Variants in GRM1 observed in about 807,000 individuals in gnomAD.
GRM1 encodes glutamate metabotropic receptor 1, also known as metabotropic glutamate receptor 1.
In GRM1, 33 loss-of-function variants were observed where a neutral mutation model predicts 90.9. The observed-to-expected ratio is 0.36, with a 90% CI of 0.28 to 0.49. The LOEUF (loss-of-function observed/expected upper bound fraction) is 0.49. Ranked by LOEUF, GRM1 falls within the 20% of genes least tolerant of loss-of-function variation. The probability of loss-of-function intolerance (pLI) is 0.99; values close to 1 mark genes in which losing one functional copy is unlikely to be tolerated. For missense variants in GRM1, 1,190 were observed against 1,534.3 expected, an observed-to-expected ratio of 0.78 and a Z score of 3.75; for synonymous variants, 700 against 613.2, an observed-to-expected ratio of 1.14 and a Z score of -2.09.
At chr6:146,059,060 G>T (rs1775577794) in intron 1 of GRM1, among the ~76,000 whole-genome samples, 1 of 152,018 alleles carries the variant, frequency 6.6e-6, no homozygotes, top group Non-Finnish European at 1.5e-5. Context: ...TTTGAATTTT[G>T]ATCTTCTTTA....
chr6:146,392,256 A>G (rs1176691089), intron 6 of GRM1, among the ~76,000 whole-genome samples: 1 of 152,164 alleles, frequency 6.6e-6, no homozygotes, highest in Non-Finnish European at 1.5e-5. Context: ...ACCCAAAGCC[A>G]ATATTCATGG....
intron 7 of GRM1, among the ~76,000 whole-genome samples, chr6:146,402,176 A>G (rs965587040): frequency 3.9e-5 from 6 of 152,200 alleles, no homozygotes; most frequent in Non-Finnish European, 8.8e-5. Flanking sequence ...CATTCATTTA[A>G]TAAGAAATAT....
At chr6:146,183,685 CTG>C (rs994201576) in intron 2 of GRM1, among the ~76,000 whole-genome samples, 5 of 152,100 alleles carry the variant, frequency 3.3e-5, no homozygotes, top group African/African-American at 1.2e-4. Context: ...TCTTAAGTAA[CTG>C]TGCGATTCTC....
rs145405678 is a variant in GRM1 at position 146,304,809 on chromosome 6, C to T, written c.1149C>T (p.His383=). Reference sequence around the variant, plus strand: ...GGTTCCAGTGCCGCCTTCCAGGACACCTTCTGGAAAATCCCAACTTTAAAC... The same window carrying T: ...GGTTCCAGTGCCGCCTTCCAGGACATCTTCTGGAAAATCCCAACTTTAAAC... The part of the protein sequence containing the change: ...QHRFQCRLPG[H]LLENPNFKRI... The change falls in exon 3 of 8, where the codon CAC becomes CAT. Residue 383 remains histidine (H), a synonymous_variant. Coordinates refer to ENST00000282753, the MANE Select transcript of GRM1 (RefSeq NM_001278064.2). The T allele has an allele frequency of 1.9e-6, 3 of 1,613,384 alleles. No homozygotes were observed. The highest frequency in any genetic ancestry group is 2.7e-5 in the African/African-American group (2 of 74,882).
At chr6:146,324,454 TA>T (rs565142773) in intron 3 of GRM1, among the ~76,000 whole-genome samples, 37 of 151,638 alleles carry the variant, frequency 2.4e-4, no homozygotes, top group African/African-American at 7.5e-4. Flanking sequence ...AATAAAAAAT[TA>T]AAAAAAATAA....
intron 3 of GRM1, among the ~76,000 whole-genome samples, chr6:146,351,282 C>T (rs1342596125): frequency 6.6e-6 from 1 of 152,132 alleles, no homozygotes; most frequent in Non-Finnish European, 1.5e-5. Flanking sequence ...ACATCGACCC[C>T]CTACTATCAG....
chr6:146,434,946 C>T lies in GRM1; in HGVS notation c.*150C>T. 1.4e-6 allele frequency: 1 copy of T among 736,818 alleles called. No individual in the cohort carries two copies. Among genetic ancestry groups the T allele is most frequent in the Admixed American group, 2.0e-5 (1 of 49,562 alleles). 45.6% of individuals were successfully genotyped at this position (736,818 alleles called of 1,614,324 possible). A position where few individuals can be genotyped will look rare whatever the true frequency, so the allele number is the denominator to read the frequency against. ...GCTGCTGCTGCCGCTACTGCTGCTGCTGCCTTAAGTAGGAAGAGAGGGAAG... is the reference window on the plus strand; with the variant it reads ...GCTGCTGCTGCCGCTACTGCTGCTGTTGCCTTAAGTAGGAAGAGAGGGAAG... On this transcript the variant is annotated 3_prime_UTR_variant, in exon 8 of 8. Transcript: ENST00000282753.
intron 1 of GRM1, among the ~76,000 whole-genome samples, chr6:146,050,669 C>G (rs1182860463): frequency 6.6e-6 from 1 of 151,512 alleles, no homozygotes; most frequent in African/African-American, 2.4e-5. Context: ...TGACAATACT[C>G]TTAGCTGCTC....
intron 1 of GRM1, among the ~76,000 whole-genome samples, chr6:146,129,435 C>T (rs564173621): frequency 4.6e-5 from 7 of 152,050 alleles, no homozygotes; most frequent in Non-Finnish European, 8.8e-5. Flanking sequence ...TCCAATTATA[C>T]CACACAATAC....
intron 2 of GRM1, among the ~76,000 whole-genome samples, chr6:146,241,662 T>C (rs1256366813): frequency 2.0e-5 from 3 of 152,162 alleles, no homozygotes; most frequent in African/African-American, 7.2e-5. Flanking sequence ...CACTACTTGA[T>C]TCTCCACCAG....
chr6:146,123,501 G>GC (rs762951430), intron 1 of GRM1, among the ~76,000 whole-genome samples: 5 of 152,128 alleles, frequency 3.3e-5, no homozygotes, highest in African/African-American at 1.2e-4. Context: ...TCACTCTTTT[G>GC]CCCCAAAAAC....
chr6:146,268,441 A>G (rs1288702450), intron 2 of GRM1, among the ~76,000 whole-genome samples: 1 of 152,152 alleles, frequency 6.6e-6, no homozygotes, highest in African/African-American at 2.4e-5. Flanking sequence ...CTACATTTGT[A>G]TCATTATCCA....
At chr6:146,350,109 A>T (rs1287371845) in intron 3 of GRM1, among the ~76,000 whole-genome samples, 4 of 152,254 alleles carry the variant, frequency 2.6e-5, no homozygotes, top group Non-Finnish European at 5.9e-5. Flanking sequence ...GACTGATCTC[A>T]CAGATATCCA....
At chr6:146,354,968 A>ATT (rs3216609) in intron 4 of GRM1, among the ~76,000 whole-genome samples, 1 of 151,796 alleles carries the variant, frequency 6.6e-6, no homozygotes, top group Non-Finnish European at 1.5e-5. Flanking sequence ...AATATTGTGA[A>ATT]TTTTTTTTGT....
At chr6:146,366,376 A>C (rs1175902119) in intron 5 of GRM1, among the ~76,000 whole-genome samples, 1 of 152,188 alleles carries the variant, frequency 6.6e-6, no homozygotes, top group African/African-American at 2.4e-5. Context: ...AGCCATTTTA[A>C]AATATACAAT....
At chr6:146,120,906 G>A (rs1004163651) in intron 1 of GRM1, among the ~76,000 whole-genome samples, 1 of 151,842 alleles carries the variant, frequency 6.6e-6, no homozygotes, top group African/African-American at 2.4e-5. Flanking sequence ...CTCTTTTTTT[G>A]TTTTGTCTGT....
chr6:146,200,136 A>C (rs1779254571), intron 2 of GRM1, among the ~76,000 whole-genome samples: 1 of 152,286 alleles, frequency 6.6e-6, no homozygotes, highest in Admixed American at 6.5e-5. Context: ...ACTTGAACTA[A>C]ACATAGATTT....
At chr6:146,049,405 C>G (rs1327210637) in intron 1 of GRM1, among the ~76,000 whole-genome samples, 2 of 151,940 alleles carry the variant, frequency 1.3e-5, no homozygotes, top group Non-Finnish European at 2.9e-5. Context: ...CCTTTTCTTA[C>G]ACGTCAGTAC....
chr6:146,391,575 A>G (rs1776724455), intron 6 of GRM1, among the ~76,000 whole-genome samples: 1 of 152,064 alleles, frequency 6.6e-6, no homozygotes, highest in African/African-American at 2.4e-5. Context: ...AAACTTCAAA[A>G]CAGGATCTCA....
Sources: allele counts gnomAD v4.1 joint callset (sites outside exome capture counted in the v4.1 genomes callset), GRCh38; gene constraint gnomAD v4.1.1; transcripts MANE v1.5; gene names NCBI Gene and HGNC (gene_info 2026-07-23, HGNC 2026-07-21).